Variants in PDSS1 observed in about 807,000 individuals in gnomAD.
PDSS1 encodes all trans-polyprenyl-diphosphate synthase PDSS1.
PDSS1 carries 43 observed loss-of-function variants against 57.5 expected under a neutral mutation model. The observed-to-expected ratio is 0.75, with a 90% confidence interval of 0.59 to 0.96. The LOEUF (loss-of-function observed/expected upper bound fraction) is 0.96, where lower values mean the gene tolerates loss of function less well. Among genes scored for constraint, PDSS1 ranks in the 50% least tolerant of loss-of-function variants. PDSS1 has a pLI of 0.00. For synonymous variants in PDSS1, 175 were observed against 191.3 expected (o/e 0.91, Z 0.70); for missense variants, 438 against 527.8 (o/e 0.83, Z 1.67).
chr10:26,742,283 C>T (rs1044680330), intron 10 of PDSS1, among the ~76,000 whole-genome samples: 5 of 152,254 alleles, frequency 3.3e-5, no homozygotes, highest in African/African-American at 1.2e-4. Flanking sequence ...TCTTCTCCTC[C>T]CATACACCAC....
At position 26,737,356 on chromosome 10, in the gene PDSS1, A is replaced by C. The variant is rs572515138; in HGVS notation, c.1026+1777A>C. ...TTACTTTCCCCTACACACACAAAGG[A>C]GTAATGGCTATCTCTGCTTTCATAT... On this transcript the variant is annotated intron_variant, in intron 10 of 11. Transcript: ENST00000376215. 2.6e-5 allele frequency among the ~76,000 whole-genome samples: 4 copies of C among 152,266 alleles called. No individual in the cohort carries two copies. The South Asian group carries it at 8.3e-4, about 32-fold the overall frequency.
intron 4 of PDSS1, among the ~76,000 whole-genome samples, chr10:26,708,627 A>G (rs16927290): frequency 0.015 from 2,322 of 152,162 alleles, 51 homozygotes; most frequent in African/African-American, 0.053. Context: ...GTGGGCCTCT[A>G]TGAACCCTCA....
chr10:26,746,504 T>C lies in PDSS1; in HGVS notation c.*31T>C, dbSNP rs1424218711. On this transcript the variant is annotated 3_prime_UTR_variant, in exon 12 of 12. Transcript: ENST00000376215. ...CTTTCTGTTCTTTCTGGCAGCTATCTTACCAGACTGTGCCTAAAGAATTTT... is the reference window on the plus strand; with the variant it reads ...CTTTCTGTTCTTTCTGGCAGCTATCCTACCAGACTGTGCCTAAAGAATTTT... 2.5e-6 allele frequency: 4 copies of C among 1,610,830 alleles called. No individual in the cohort carries two copies. The highest frequency in any genetic ancestry group is 2.5e-6 in the Non-Finnish European group (3 of 1,177,084).
intron 5 of PDSS1, among the ~76,000 whole-genome samples, chr10:26,712,001 C>CTTTTTTTTTT (rs543847648): frequency 6.5e-5 from 4 of 61,894 alleles, no homozygotes; most frequent in East Asian, 5.8e-4. Context: ...TTTTCTTTTT[C>CTTTTTTTTTT]TTTTTTTTTT....
At chr10:26,709,608 C>G (rs762144614) in intron 4 of PDSS1, 30 bp from the exon 5 acceptor site, 5 of 1,610,166 alleles carry the variant, frequency 3.1e-6, no homozygotes, top group Non-Finnish European at 4.2e-6. Context: ...TTTTTTGATG[C>G]CATTGTGACA....
At chr10:26,698,095 TG>T (rs999617491) in intron 1 of PDSS1, among the ~76,000 whole-genome samples, 2 of 150,036 alleles carry the variant, frequency 1.3e-5, no homozygotes, top group African/African-American at 4.9e-5. Flanking sequence ...GGGAGCGTTT[TG>T]GGGGGTGGAG....
Position 26,704,083 on chromosome 10 carries a change from C to CAAAAAA in PDSS1, c.163-580_163-575dup, listed in dbSNP as rs1203931422. On this transcript the variant is annotated intron_variant, in intron 2 of 11. Coordinates refer to ENST00000376215, the MANE Select transcript of PDSS1 (RefSeq NM_014317.5). Reference sequence around the variant, plus strand: ...GACGACAGAACGAGACTCCGTCTCACAAAAAAAAAAAAAAAAAAATATGGC... The same window carrying CAAAAAA: ...GACGACAGAACGAGACTCCGTCTCACAAAAAAAAAAAAAAAAAAAAAAAAATATGGC... Among the ~76,000 whole-genome samples the CAAAAAA allele has an allele frequency of 1.1e-3, 35 of 31,070 alleles. 8 individuals carry two copies. The East Asian group carries it at 0.018, about 16-fold the overall frequency. 20.4% of individuals were successfully genotyped at this position (31,070 alleles called of 152,430 possible).
At chr10:26,721,850 C>T (rs976485530) in intron 6 of PDSS1, among the ~76,000 whole-genome samples, 2 of 152,176 alleles carry the variant, frequency 1.3e-5, no homozygotes, top group Admixed American at 6.5e-5. Flanking sequence ...ACACATGTGC[C>T]GCCTTCACCT....
In PDSS1 at chr10:26,704,796, G is replaced by A. The variant is rs1677730; in HGVS notation, c.227+55G>A. 0.55 allele frequency: 537,551 copies of A among 971,294 alleles called. 154,190 individuals are homozygous for A. The highest frequency in any genetic ancestry group is 0.64 in the Admixed American group (37,410 of 58,552). 60.2% of individuals were successfully genotyped at this position (971,294 alleles called of 1,614,324 possible). On this transcript the variant is annotated intron_variant, in intron 3 of 11. Transcript: ENST00000376215. ...AAAATTATCCATTTTTAAATTTATTGTTGTTTAAAAAATTTTTTTTGTAGC... is the reference window on the plus strand; with the variant it reads ...AAAATTATCCATTTTTAAATTTATTATTGTTTAAAAAATTTTTTTTGTAGC...
intron 2 of PDSS1, among the ~76,000 whole-genome samples, chr10:26,704,083 C>CTAAAAAAAAAAAA (rs1835132185): frequency 3.2e-5 from 1 of 31,050 alleles, no homozygotes; most frequent in Non-Finnish European, 6.1e-5. Flanking sequence ...CTCCGTCTCA[C>CTAAAAAAAAAAAA]AAAAAAAAAA....
intron 6 of PDSS1, 146 bp from the exon 7 acceptor site, chr10:26,723,660 C>G: frequency 1.4e-6 from 1 of 721,662 alleles, no homozygotes; most frequent in Non-Finnish European, 2.5e-6. Flanking sequence ...GTTACGGACT[C>G]CTGTTGAGGA....
chr10:26,735,843 G>T (rs1288163475), intron 10 of PDSS1, among the ~76,000 whole-genome samples: 1 of 152,180 alleles, frequency 6.6e-6, no homozygotes, highest in Non-Finnish European at 1.5e-5. Flanking sequence ...TCCTATTTGA[G>T]ATCTTTGTGT....
chr10:26,728,297 G>A (rs888645558), intron 8 of PDSS1, among the ~76,000 whole-genome samples: 2 of 152,152 alleles, frequency 1.3e-5, no homozygotes, highest in South Asian at 2.1e-4. Flanking sequence ...TTTGACAAGC[G>A]TGGCCAACAT....
At chr10:26,736,204 A>G (rs1836393470) in intron 10 of PDSS1, among the ~76,000 whole-genome samples, 1 of 152,176 alleles carries the variant, frequency 6.6e-6, no homozygotes, top group African/African-American at 2.4e-5. Flanking sequence ...AGCTTCAAAG[A>G]TGTTCCCTCG....
chr10:26,744,589 C>G (rs1200511996), intron 11 of PDSS1, among the ~76,000 whole-genome samples: 1 of 151,964 alleles, frequency 6.6e-6, no homozygotes, highest in East Asian at 2.0e-4. Flanking sequence ...CGGGGTTTCA[C>G]CATGTTGGCC....
chr10:26,708,138 C>T (rs1835303261), intron 4 of PDSS1, among the ~76,000 whole-genome samples: 1 of 152,228 alleles, frequency 6.6e-6, no homozygotes, highest in Non-Finnish European at 1.5e-5. Context: ...TCCTTGTAGG[C>T]AAGGCTTGTC....
chr10:26,706,771 T>C (rs1369788203), intron 4 of PDSS1, among the ~76,000 whole-genome samples: 5 of 152,168 alleles, frequency 3.3e-5, no homozygotes, highest in Non-Finnish European at 7.3e-5. Context: ...CTTGGGTCAC[T>C]GATAGCTTCC....
Position 26,729,558 on chromosome 10 carries a change from A to G in PDSS1, c.831+5435A>G, listed in dbSNP as rs146235691. Among the ~76,000 whole-genome samples the G allele has an allele frequency of 2.4e-4, 36 of 152,210 alleles. No homozygotes were observed. The East Asian group carries it at 5.6e-3, about 24-fold the overall frequency. On this transcript the variant is annotated intron_variant, in intron 8 of 11. Coordinates refer to ENST00000376215, the MANE Select transcript of PDSS1 (RefSeq NM_014317.5). ...ACCTGGCTCCTCTTCTCCGCGGTGT[A>G]TTTATTTGCACAATCTGAGAATATA...
intron 8 of PDSS1, among the ~76,000 whole-genome samples, chr10:26,729,740 G>A (rs1319912158): frequency 6.6e-6 from 1 of 152,018 alleles, no homozygotes; most frequent in African/African-American, 2.4e-5. Flanking sequence ...GTGTGGTTGT[G>A]TTATTATTTG....
Sources: allele counts gnomAD v4.1 joint callset (sites outside exome capture counted in the v4.1 genomes callset), GRCh38; gene constraint gnomAD v4.1.1; transcripts MANE v1.5; gene names NCBI Gene and HGNC (gene_info 2026-07-23, HGNC 2026-07-21).